The following C4orf51 variants were observed in gnomAD, a reference collection of about 807,000 sequenced individuals.
C4orf51 encodes uncharacterized protein C4orf51.
Under a neutral mutation model 25.2 loss-of-function variants are expected in C4orf51, and 25 were observed. The observed-to-expected ratio is 0.99, with a 90% CI of 0.72 to 1.39. The LOEUF (loss-of-function observed/expected upper bound fraction) is 1.39, where lower values mean the gene tolerates loss of function less well. C4orf51 is among the 40% of genes most tolerant of loss of function. The probability of loss-of-function intolerance (pLI) is 0.00; values close to 1 mark genes in which losing one functional copy is unlikely to be tolerated. For synonymous variants in C4orf51, 100 were observed against 84.5 expected (o/e 1.18, Z -1.01); for missense variants, 252 against 239.6 (o/e 1.05, Z -0.34).
chr4:145,776,590 G>A, the C4orf51 span, among the ~76,000 whole-genome samples: 1 of 151,946 alleles, frequency 6.6e-6, no homozygotes, highest in Non-Finnish European at 1.5e-5. Context: ...TATTCTGTGA[G>A]TGAGCAAGTG....
Position 145,729,795 on chromosome 4 carries a change from T to C in C4orf51, c.428-97T>C, listed in dbSNP as rs182395146. The C allele has an allele frequency of 4.2e-5, 41 of 986,032 alleles. No individual in the cohort carries two copies. In the African/African-American group the frequency reaches 4.3e-4, roughly 10 times the overall value. 61.1% of individuals were successfully genotyped at this position (986,032 alleles called of 1,614,324 possible). A position where few individuals can be genotyped will look rare whatever the true frequency, so the allele number is the denominator to read the frequency against. On this transcript the variant is annotated intron_variant, in intron 4 of 5. Transcript: ENST00000438731. ...CTGTGTATGTGAAGGTTTGGATCTA[T>C]TGATTTAAAACAAGGTTTGGGAATG...
At chr4:145,686,168 A>C (rs1486957999) in intron 1 of C4orf51, among the ~76,000 whole-genome samples, 2 of 152,234 alleles carry the variant, frequency 1.3e-5, no homozygotes, top group African/African-American at 4.8e-5. Context: ...CAGACATAAA[A>C]AGACAAATTT....
intron 1 of C4orf51, among the ~76,000 whole-genome samples, chr4:145,750,825 T>G (rs903516315): frequency 6.6e-6 from 1 of 152,184 alleles, no homozygotes; most frequent in Non-Finnish European, 1.5e-5. Flanking sequence ...GAATGTTTAA[T>G]TCTTTTTAAT....
downstream of C4orf51, chr4:145,775,674 C>T: frequency 7.8e-7 from 1 of 1,279,938 alleles, no homozygotes; most frequent in Non-Finnish European, 1.1e-6. Context: ...CAAATGAAGG[C>T]CAGGCTATGA....
At chr4:145,707,007 G>T (rs1378678840) in intron 2 of C4orf51, among the ~76,000 whole-genome samples, 2 of 152,040 alleles carry the variant, frequency 1.3e-5, no homozygotes, top group Non-Finnish European at 1.5e-5. Context: ...ATAGAGACGG[G>T]GTTTCACCAT....
intron 2 of C4orf51, among the ~76,000 whole-genome samples, chr4:145,717,797 G>T (rs1731499301): frequency 6.6e-6 from 1 of 152,116 alleles, no homozygotes; most frequent in African/African-American, 2.4e-5. Flanking sequence ...TTCTTTCCAA[G>T]GGTTTGATTT....
At chr4:145,782,356 CTGAGA>C in the C4orf51 span, among the ~76,000 whole-genome samples, 2 of 152,240 alleles carry the variant, frequency 1.3e-5, no homozygotes, top group East Asian at 3.9e-4. Flanking sequence ...TTTCCAGGAG[CTGAGA>C]TGAGATGAAG....
intron 2 of C4orf51, among the ~76,000 whole-genome samples, chr4:145,707,487 A>G (rs1302598749): frequency 6.6e-6 from 1 of 152,214 alleles, no homozygotes; most frequent in African/African-American, 2.4e-5. Context: ...AGTGTGGGCT[A>G]TTTCTATACC....
intron 1 of C4orf51, chr4:145,770,949 CAGTG>C (rs1431681439): frequency 6.6e-6 from 1 of 152,158 alleles, no homozygotes; most frequent in South Asian, 2.1e-4. Context: ...ATCCCAGCAA[CAGTG>C]AGTATTAATA....
In C4orf51 at chr4:145,729,297, A is replaced by ATTTTTTT. The variant is rs547075220; in HGVS notation, c.427+86_427+92dup. The ATTTTTTT allele has an allele frequency of 3.5e-3, 1,035 of 292,402 alleles. 28 individuals are homozygous for ATTTTTTT. The highest frequency in any genetic ancestry group is 6.9e-3 in the African/African-American group (141 of 20,366). 18.1% of individuals were successfully genotyped at this position (292,402 alleles called of 1,614,324 possible). On this transcript the variant is annotated intron_variant, in intron 4 of 5. Transcript: ENST00000438731. ...CCTTTATTTTAATCGTGGTCATGTGATTTTTTTTTTTTTTTTTTTTTTTTG... is the reference window on the plus strand; with the variant it reads ...CCTTTATTTTAATCGTGGTCATGTGATTTTTTTTTTTTTTTTTTTTTTTTTTTTTTTG...
At chr4:145,703,307 C>G (rs1234114694) in intron 2 of C4orf51, among the ~76,000 whole-genome samples, 1 of 151,996 alleles carries the variant, frequency 6.6e-6, no homozygotes, top group Non-Finnish European at 1.5e-5. Flanking sequence ...CTTGCGACCC[C>G]CACTCCTGCC....
chr4:145,760,703 T>G, intron 1 of C4orf51: 7 of 1,008,286 alleles, frequency 6.9e-6, no homozygotes, highest in South Asian at 2.6e-5. Context: ...CTGCTGGGGT[T>G]GTGTTTAAGT....
downstream of C4orf51, among the ~76,000 whole-genome samples, chr4:145,756,827 G>A (rs1001131565): frequency 6.6e-6 from 1 of 152,168 alleles, no homozygotes; most frequent in Non-Finnish European, 1.5e-5. Flanking sequence ...TTAGTGACTG[G>A]CCATTTTCAA....
chr4:145,772,479 C>T (rs141244351), downstream of C4orf51, among the ~76,000 whole-genome samples: 28 of 152,258 alleles, frequency 1.8e-4, no homozygotes, highest in East Asian at 3.1e-3. Flanking sequence ...TAATGGGGGT[C>T]AGCAAACTAC....
intron 1 of C4orf51, chr4:145,764,988 T>C: frequency 6.2e-7 from 1 of 1,612,306 alleles, no homozygotes; most frequent in Non-Finnish European, 8.5e-7. Context: ...CTTTCCTTAC[T>C]TGAGCCCACC....
At chr4:145,714,909 C>T (rs1731322956) in intron 2 of C4orf51, among the ~76,000 whole-genome samples, 1 of 152,164 alleles carries the variant, frequency 6.6e-6, no homozygotes, top group East Asian at 1.9e-4. Flanking sequence ...GGAGGGAATT[C>T]TTAAGATTGA....
At chr4:145,732,049 G>A (rs1299376972) in intron 5 of C4orf51, among the ~76,000 whole-genome samples, 1 of 152,166 alleles carries the variant, frequency 6.6e-6, no homozygotes, top group Non-Finnish European at 1.5e-5. Flanking sequence ...TGCTTGCTGG[G>A]TAGTGCTTTT....
chr4:145,744,796 T>A (rs1173286765), intron 1 of C4orf51, among the ~76,000 whole-genome samples: 6 of 150,710 alleles, frequency 4.0e-5, no homozygotes, highest in Non-Finnish European at 8.8e-5. Context: ...GAGCTTGCAG[T>A]GAGCCAAGAT....
chr4:145,729,560 C>T (rs1732341414), intron 4 of C4orf51, among the ~76,000 whole-genome samples: 1 of 152,154 alleles, frequency 6.6e-6, no homozygotes, highest in South Asian at 2.1e-4. Context: ...CTTGGCCTCC[C>T]AAAGTGCTGG....
Sources: allele counts gnomAD v4.1 joint callset (sites outside exome capture counted in the v4.1 genomes callset), GRCh38; gene constraint gnomAD v4.1.1; transcripts MANE v1.5; gene names NCBI Gene and HGNC (gene_info 2026-07-23, HGNC 2026-07-21).